LPAR5: variants seen among roughly 807,000 people sequenced by gnomAD.
The protein encoded by LPAR5 is lysophosphatidic acid receptor 5.
For synonymous variants in LPAR5, 271 were observed against 261.6 expected (o/e 1.04, Z -0.35); for missense variants, 544 against 521.8 (o/e 1.04, Z -0.41).
At chr12:6,628,028 C>CTTTTTTTTTTTTTTTTTTTT (rs71067128) in intron 1 of LPAR5, among the ~76,000 whole-genome samples, 31 of 134,478 alleles carry the variant, frequency 2.3e-4, no homozygotes, top group South Asian at 4.5e-4. Flanking sequence ...TTTCTTTTTT[C>CTTTTTTTTTTTTTTTTTTTT]TTTTTTTTTT....
At chr12:6,628,045 A>G (rs1317405972) in intron 1 of LPAR5, among the ~76,000 whole-genome samples, 3 of 24,912 alleles carry the variant, frequency 1.2e-4, no homozygotes, top group African/African-American at 2.2e-4. Context: ...TTTTTGAGAC[A>G]GAGTCTTGCT....
At chr12:6,625,757 A>G (rs1948935240) in intron 1 of LPAR5, among the ~76,000 whole-genome samples, 1 of 151,322 alleles carries the variant, frequency 6.6e-6, no homozygotes, top group African/African-American at 2.4e-5. Context: ...TTGTTGCAAG[A>G]AAATAAGTCA....
At position 6,619,279 on chromosome 12, in the gene LPAR5, A is replaced by T. The variant is rs1390183247; in HGVS notation, c.*851T>A. ...GGGTCTGAGACCAAAAAGTTTGAGAACCAGTGCTTTAGTAGAAAGAATTTT... is the reference window on the plus strand; with the variant it reads ...GGGTCTGAGACCAAAAAGTTTGAGATCCAGTGCTTTAGTAGAAAGAATTTT... On this transcript the variant is annotated 3_prime_UTR_variant, in exon 2 of 2. Transcript: ENST00000329858. 1 of 152,148 alleles carries T rather than the reference A, an allele frequency of 6.6e-6. No homozygotes were observed. The highest frequency in any genetic ancestry group is 1.5e-5 in the Non-Finnish European group (1 of 68,026). 9.4% of individuals were successfully genotyped at this position (152,148 alleles called of 1,614,324 possible). A position where few individuals can be genotyped will look rare whatever the true frequency, so the allele number is the denominator to read the frequency against.
chr12:6,634,807 T>C (rs1592303787), intron 1 of LPAR5, among the ~76,000 whole-genome samples: 1 of 125,882 alleles, frequency 7.9e-6, no homozygotes, highest in African/African-American at 3.0e-5. Context: ...AAAAAAAAAA[T>C]GGCTGGGCAC....
chr12:6,619,724 C>CT lies in LPAR5; in HGVS notation c.*405dup, dbSNP rs1176714793. ...AGCAGATGAACAGGCATCTCAGTAGCTTTGTCCACCAAACCTGGTGCTCTT... is the reference window on the plus strand; with the variant it reads ...AGCAGATGAACAGGCATCTCAGTAGCTTTTGTCCACCAAACCTGGTGCTCTT... On this transcript the variant is annotated 3_prime_UTR_variant, in exon 2 of 2. Coordinates refer to ENST00000329858, the MANE Select transcript of LPAR5 (RefSeq NM_020400.6). 2.7e-6 allele frequency: 1 copy of CT among 365,536 alleles called. No individual in the cohort carries two copies. The highest frequency in any genetic ancestry group is 2.1e-5 in the African/African-American group (1 of 47,404). 22.6% of individuals were successfully genotyped at this position (365,536 alleles called of 1,614,324 possible). A position where few individuals can be genotyped will look rare whatever the true frequency, so the allele number is the denominator to read the frequency against.
At chr12:6,625,593 G>T (rs1191407450) in intron 1 of LPAR5, among the ~76,000 whole-genome samples, 2 of 151,246 alleles carry the variant, frequency 1.3e-5, no homozygotes, top group African/African-American at 4.9e-5. Context: ...CGTGGTGGTG[G>T]GCGCCTGTAG....
chr12:6,632,579 C>T (rs1377662128), intron 1 of LPAR5, among the ~76,000 whole-genome samples: 2 of 152,160 alleles, frequency 1.3e-5, no homozygotes, highest in African/African-American at 2.4e-5. Context: ...CATGAAGACT[C>T]AGTATCTCTG....
chr12:6,620,913 C>T lies in LPAR5; in HGVS notation c.336G>A (p.Leu112=), dbSNP rs749249210. The change falls in exon 2 of 2, where the codon CTG becomes CTA. Residue 112 remains leucine, a synonymous_variant. Coordinates refer to ENST00000329858, the MANE Select transcript of LPAR5 (RefSeq NM_020400.6). The surrounding 1 kb of genome is among the most constrained non-coding windows in gnomAD (Gnocchi z 6.8). ...QMNMYGSCIF[L]MLINVDRYAA... ...CGTAGCGGTCCACGTTGATGAGCATCAGGAAGATGCAGCTGCCGTACATGT... is the reference window on the plus strand; with the variant it reads ...CGTAGCGGTCCACGTTGATGAGCATTAGGAAGATGCAGCTGCCGTACATGT... 3.8e-6 allele frequency: 6 copies of T among 1,598,904 alleles called. 1 individual carries two copies. In the South Asian group the frequency reaches 5.6e-5, roughly 15 times the overall value.
In LPAR5 at chr12:6,619,345, AAGAGGAGAAGAG is replaced by A. The variant is rs1321725104; in HGVS notation, c.*773_*784del. 1 of 99,700 alleles carries A rather than the reference AAGAGGAGAAGAG, an allele frequency of 1.0e-5. No individual in the cohort carries two copies. The highest frequency in any genetic ancestry group is 2.5e-5 in the Non-Finnish European group (1 of 40,088). The allele number at this position is 99,700 out of a possible 1,614,324, so 6.2% of individuals were successfully genotyped here. A position where few individuals can be genotyped will look rare whatever the true frequency, so the allele number is the denominator to read the frequency against. Reference sequence around the variant, plus strand: ...AAAGGAGAGAGAGGGAGAGAGAGAGAAGAGGAGAAGAGAGAGGAGAGGAGAGGAGAGAGAAGA... The same window carrying A: ...AAAGGAGAGAGAGGGAGAGAGAGAGAAGAGGAGAGGAGAGGAGAGAGAAGA... On this transcript the variant is annotated 3_prime_UTR_variant, in exon 2 of 2. Coordinates refer to ENST00000329858, the MANE Select transcript of LPAR5 (RefSeq NM_020400.6).
chr12:6,624,160 T>C (rs1948915927), intron 1 of LPAR5, among the ~76,000 whole-genome samples: 2 of 152,208 alleles, frequency 1.3e-5, no homozygotes, highest in Non-Finnish European at 2.9e-5. Context: ...GATTGCATGC[T>C]AGTCTTGACC....
In LPAR5 at chr12:6,620,569, T is replaced by C. The variant is rs1290901006; in HGVS notation, c.680A>G (p.Gln227Arg). ...GAGGCGCACGGTCTTCCGCCGCCGC[T>C]GGCTCTGCGTGGCGTCGGGGCGCGC... ...TLARPDATQS[Q>R]RRRKTVRLLL... The change falls in exon 2 of 2, where the codon CAG (glutamine) becomes CGG (arginine). Residue 227 changes from glutamine (Q) to arginine (R), a missense_variant. Transcript: ENST00000329858. This position sits in a 1 kb window ranked among gnomAD's most constrained non-coding sequence, Gnocchi z 6.8. 1.9e-6 allele frequency: 3 copies of C among 1,553,150 alleles called. No homozygotes were observed. The African/African-American group carries it at 4.1e-5, about 21-fold the overall frequency.
At chr12:6,627,664 C>T (rs1427193259) in intron 1 of LPAR5, among the ~76,000 whole-genome samples, 1 of 152,044 alleles carries the variant, frequency 6.6e-6, no homozygotes, top group Non-Finnish European at 1.5e-5. Context: ...TGTTTTGAGC[C>T]CCTCAATCGT....
At chr12:6,629,107 G>C (rs1036932899) in intron 1 of LPAR5, among the ~76,000 whole-genome samples, 1 of 148,648 alleles carries the variant, frequency 6.7e-6, no homozygotes, top group African/African-American at 2.5e-5. Flanking sequence ...CGGGCACGGT[G>C]GCTCACGCCT....
rs550247418 is a variant in LPAR5 at position 6,633,076 on chromosome 12, C to T, written c.-217+2831G>A. ...TGACCTCATCCCTCCTGACATTTGTCTGGGAAAAGGCAGAAAGCAAAGGTG... is the reference window on the plus strand; with the variant it reads ...TGACCTCATCCCTCCTGACATTTGTTTGGGAAAAGGCAGAAAGCAAAGGTG... On this transcript the variant is annotated intron_variant, in intron 1 of 1. Transcript: ENST00000329858. Among the ~76,000 whole-genome samples, 6 of 152,330 alleles carry T rather than the reference C, an allele frequency of 3.9e-5. No homozygotes were observed. The East Asian group carries it at 1.2e-3, about 29-fold the overall frequency.
chr12:6,619,832 C>A lies in LPAR5; in HGVS notation c.*298G>T. ...AACCAGCTTTTAGCAGTTTAATGCC[C>A]TGCCCACCCAAAGGCATTTCGTCCT... On this transcript the variant is annotated 3_prime_UTR_variant, in exon 2 of 2. Coordinates refer to ENST00000329858, the MANE Select transcript of LPAR5 (RefSeq NM_020400.6). The A allele has an allele frequency of 1.8e-6, 1 of 567,632 alleles. No individual in the cohort carries two copies. Among genetic ancestry groups the A allele is most frequent in the Non-Finnish European group, 3.3e-6 (1 of 303,736 alleles). 35.2% of individuals were successfully genotyped at this position (567,632 alleles called of 1,614,324 possible). A position where few individuals can be genotyped will look rare whatever the true frequency, so the allele number is the denominator to read the frequency against.
intron 1 of LPAR5, among the ~76,000 whole-genome samples, chr12:6,632,450 G>C (rs1027357954): frequency 1.3e-5 from 2 of 152,164 alleles, no homozygotes; most frequent in African/African-American, 4.8e-5. Context: ...CCCGACACAG[G>C]AAGTCCCTCT....
At chr12:6,623,885 G>A (rs761011077) in intron 1 of LPAR5, among the ~76,000 whole-genome samples, 5 of 146,370 alleles carry the variant, frequency 3.4e-5, no homozygotes, top group Non-Finnish European at 6.1e-5. Flanking sequence ...CCTTGAACCC[G>A]GGAGGCGGAG....
chr12:6,625,828 G>T (rs1399047118), intron 1 of LPAR5, among the ~76,000 whole-genome samples: 2 of 151,970 alleles, frequency 1.3e-5, no homozygotes, highest in African/African-American at 2.4e-5. Context: ...TTGAGACAGG[G>T]TCTCACTCCG....
chr12:6,631,271 G>A (rs1948979436), intron 1 of LPAR5, among the ~76,000 whole-genome samples: 1 of 152,180 alleles, frequency 6.6e-6, no homozygotes, highest in Non-Finnish European at 1.5e-5. Context: ...AGAACTCAGT[G>A]TCTATACACA....
Sources: gnomAD v4.1 joint callset for allele counts (sites outside exome capture counted in the v4.1 genomes callset) on GRCh38, gnomAD v4.1.1 for gene constraint, Gnocchi (gnomAD v3.1) non-coding constraint, MANE v1.5 for transcripts, NCBI Gene and HGNC (gene_info 2026-07-23, HGNC 2026-07-21) for gene names.